Variants in OCA2 observed in about 807,000 individuals in gnomAD.
OCA2 encodes P protein.
A neutral mutation model predicts 100.2 loss-of-function variants in OCA2; 77 were observed. The ratio of observed to expected loss-of-function variants is 0.77; its 90% CI spans 0.64 to 0.93. OCA2 has a LOEUF of 0.93. OCA2 is among the 40% of genes least tolerant of loss of function. OCA2 has a pLI of 0.00. For missense variants in OCA2, 1,062 were observed against 1,089.1 expected, an observed-to-expected ratio of 0.98 and a Z score of 0.35; for synonymous variants, 432 against 439.2, an observed-to-expected ratio of 0.98 and a Z score of 0.21.
chr15:27,989,729 T>C, intron 10 of OCA2, 63 bp from the exon 11 acceptor site: 3 of 1,454,182 alleles, frequency 2.1e-6, no homozygotes, highest in Non-Finnish European at 2.9e-6. Flanking sequence ...ATGAGCCTAA[T>C]GAAGCGCTGC....
At chr15:27,903,092 G>A (rs2140193583) in intron 19 of OCA2, among the ~76,000 whole-genome samples, 1 of 152,356 alleles carries the variant, frequency 6.6e-6, no homozygotes, top group Admixed American at 6.5e-5. Flanking sequence ...GAGAAGCCCC[G>A]AGATCTGCGG....
intron 1 of OCA2, among the ~76,000 whole-genome samples, chr15:28,097,513 TG>T (rs1485623870): frequency 6.6e-6 from 1 of 152,182 alleles, no homozygotes; most frequent in African/African-American, 2.4e-5. Context: ...TCCTCCCCTC[TG>T]TGGTAGCCTT....
At chr15:27,979,929 T>C (rs569266923) in intron 14 of OCA2, among the ~76,000 whole-genome samples, 5 of 147,166 alleles carry the variant, frequency 3.4e-5, no homozygotes, top group Admixed American at 1.4e-4. Flanking sequence ...TTAGCCAGGA[T>C]GGTCTCGATC....
chr15:27,905,762 G>C (rs1278794647), intron 19 of OCA2, among the ~76,000 whole-genome samples: 1 of 152,196 alleles, frequency 6.6e-6, no homozygotes, highest in Non-Finnish European at 1.5e-5. Context: ...ATGAACAAGA[G>C]AAAAATGAAG....
At chr15:27,956,580 C>A (rs2040230478) in intron 16 of OCA2, among the ~76,000 whole-genome samples, 2 of 152,186 alleles carry the variant, frequency 1.3e-5, no homozygotes, top group African/African-American at 4.8e-5. Flanking sequence ...AACACCAGCA[C>A]AATTTATTCC....
chr15:27,938,607 G>A (rs1420491177), intron 18 of OCA2, among the ~76,000 whole-genome samples: 2 of 152,112 alleles, frequency 1.3e-5, no homozygotes. Context: ...CTTAGAGGCT[G>A]GTAAGTTTCA....
intron 23 of OCA2, among the ~76,000 whole-genome samples, chr15:27,767,097 T>C (rs553760544): frequency 6.6e-6 from 1 of 152,168 alleles, no homozygotes; most frequent in South Asian, 2.1e-4. Flanking sequence ...ATCTTGCTAT[T>C]ACTTGCCTTT....
intron 23 of OCA2, among the ~76,000 whole-genome samples, chr15:27,840,884 T>C (rs773777513): frequency 6.6e-6 from 1 of 152,240 alleles, no homozygotes; most frequent in African/African-American, 2.4e-5. Flanking sequence ...AGGTCTCCTG[T>C]TGTCATGCTT....
At position 28,002,688 on chromosome 15, in the gene OCA2, C is replaced by G. The variant is rs367998375; in HGVS notation, c.1045-12041G>C. 3.0e-4 allele frequency among the ~76,000 whole-genome samples: 46 copies of G among 152,214 alleles called. 1 individual carries two copies. Among genetic ancestry groups the G allele is most frequent in the East Asian group, 1.7e-3 (9 of 5,160 alleles). ...CTGATGGGGTGGGCTCCAGGCCACGCGGGAGCCTCACAGGGCTGCGTCTGT... is the reference window on the plus strand; with the variant it reads ...CTGATGGGGTGGGCTCCAGGCCACGGGGGAGCCTCACAGGGCTGCGTCTGT... On this transcript the variant is annotated intron_variant, in intron 9 of 23. Transcript: ENST00000354638.
intron 19 of OCA2, among the ~76,000 whole-genome samples, chr15:27,913,816 GAGAA>G (rs1227102939): frequency 8.3e-4 from 55 of 66,162 alleles, no homozygotes; most frequent in African/African-American, 2.4e-3. Flanking sequence ...AAAAAAAAAA[GAGAA>G]AGAAAGAAAG....
At chr15:27,991,408 A>G (rs1292905091) in intron 9 of OCA2, among the ~76,000 whole-genome samples, 2 of 152,238 alleles carry the variant, frequency 1.3e-5, no homozygotes, top group Non-Finnish European at 2.9e-5. Flanking sequence ...TGAAGGGATA[A>G]AGAAAATGCG....
intron 23 of OCA2, among the ~76,000 whole-genome samples, chr15:27,837,895 A>G (rs897106415): frequency 1.3e-4 from 19 of 151,870 alleles, no homozygotes; most frequent in Non-Finnish European, 2.4e-4. Context: ...AAAAAAAAAA[A>G]AAAAGAAAAA....
At chr15:27,833,768 T>C (rs546036583) in intron 23 of OCA2, among the ~76,000 whole-genome samples, 2 of 152,138 alleles carry the variant, frequency 1.3e-5, no homozygotes, top group Non-Finnish European at 2.9e-5. Context: ...TTTTCAACTT[T>C]ATAGTCTAAG....
intron 2 of OCA2, among the ~76,000 whole-genome samples, chr15:28,035,376 A>G (rs1027619650): frequency 3.3e-5 from 5 of 152,204 alleles, no homozygotes; most frequent in Admixed American, 2.6e-4. Flanking sequence ...ACCATTTTCA[A>G]TGTTCCAAAT....
At position 28,024,865 on chromosome 15, in the gene OCA2, C is replaced by A. The variant is rs2042701586; in HGVS notation, c.553G>T (p.Ala185Ser). 1.2e-6 allele frequency: 2 copies of A among 1,614,232 alleles called. No individual in the cohort carries two copies. The highest frequency in any genetic ancestry group is 1.7e-5 in the Admixed American group (1 of 60,026). ...CTCACAGAACACAGCACCACAAAGG[C>A]AAACAGGCCCATGACTTTCAGCCAC... ...VQWLKVMGLF[A>S]FVVLCSILFS... Residue 185 changes from alanine (A) to serine (S), a missense_variant, in exon 5 of 24, where the codon GCC becomes TCC. Transcript: ENST00000354638.
At chr15:27,918,587 A>C (rs2038751887) in intron 19 of OCA2, among the ~76,000 whole-genome samples, 1 of 152,250 alleles carries the variant, frequency 6.6e-6, no homozygotes, top group South Asian at 2.1e-4. Context: ...TGTTGACATT[A>C]GTTTCAGTCA....
At position 27,985,150 on chromosome 15, in the gene OCA2, G is replaced by C. The variant is rs1567193571; in HGVS notation, c.1278C>G (p.Ile426Met). The change falls in exon 13 of 24, where the codon ATC (isoleucine) becomes ATG (methionine). Residue 426 changes from isoleucine to methionine, a missense_variant. Physicochemically the swap from Ile to Met is conservative, Grantham distance 10 (BLOSUM62 1). Coordinates refer to ENST00000354638, the MANE Select transcript of OCA2 (RefSeq NM_000275.3). ...RLSRGRVWAM[I>M]IMLCLIAAVL... ...CGGCCGCGATGAGACAGAGCATGAT[G>C]ATCATGGCCCACACCCGTCCCCGGG... 1 of 1,613,856 alleles carries C rather than the reference G, an allele frequency of 6.2e-7. No homozygotes were observed. Among genetic ancestry groups the C allele is most frequent in the African/African-American group, 1.3e-5 (1 of 74,942 alleles).
At chr15:27,993,305 C>A (rs1444667235) in intron 9 of OCA2, among the ~76,000 whole-genome samples, 2 of 152,160 alleles carry the variant, frequency 1.3e-5, no homozygotes, top group Non-Finnish European at 2.9e-5. Flanking sequence ...CTATGATAAT[C>A]CACTTTGCAG....
At chr15:27,831,226 CAGCG>C (rs1291407337) in intron 23 of OCA2, among the ~76,000 whole-genome samples, 2 of 136,240 alleles carry the variant, frequency 1.5e-5, no homozygotes, top group African/African-American at 5.5e-5. Flanking sequence ...TCCGAGGTTG[CAGCG>C]AGCCGAGATT....
Sources: gnomAD v4.1 joint callset for allele counts (sites outside exome capture counted in the v4.1 genomes callset) on GRCh38, gnomAD v4.1.1 for gene constraint, MANE v1.5 for transcripts, NCBI Gene and HGNC (gene_info 2026-07-23, HGNC 2026-07-21) for gene names.